The following DLX5 variants were observed in gnomAD, a reference collection of about 807,000 sequenced individuals.
DLX5 encodes homeobox protein DLX-5.
In DLX5, 8 loss-of-function variants were observed where a neutral mutation model predicts 27.1. The observed-to-expected ratio is 0.30, with a 90% CI of 0.17 to 0.53. The LOEUF is 0.53. Among genes scored for constraint, DLX5 ranks in the 20% least tolerant of loss-of-function variants. DLX5 has a pLI of 0.95. For synonymous variants in DLX5, 178 were observed against 161.9 expected (o/e 1.10, Z -0.75); for missense variants, 339 against 375.1 (o/e 0.90, Z 0.80).
chr7:97,020,811 G>A lies in DLX5; in HGVS notation c.795C>T (p.Ser265=). The A allele has an allele frequency of 1.2e-6, 2 of 1,613,338 alleles. No individual in the cohort carries two copies. Among genetic ancestry groups the A allele is most frequent in the African/African-American group, 1.3e-5 (1 of 75,014 alleles). The change falls in exon 3 of 3, where the codon AGC becomes AGT. Residue 265 remains serine, a synonymous_variant. Transcript: ENST00000648378. ...GCGGCGGCAGGTGGGAATTGATTGAGCTGGCTGCACTTGTGTACCAGGATG... is the reference window on the plus strand; with the variant it reads ...GCGGCGGCAGGTGGGAATTGATTGAACTGGCTGCACTTGTGTACCAGGATG... ...NSASWYTSAA[S]SINSHLPPPG... is the part of the protein sequence containing the mutation.
chr7:97,022,503 T>C (rs1790091608), intron 1 of DLX5, 134 bp from the exon 2 acceptor site: 1 of 1,492,488 alleles, frequency 6.7e-7, no homozygotes, highest in Admixed American at 2.3e-5. Flanking sequence ...CCACCTTTGC[T>C]TTTCAGGACC....
chr7:97,022,207 G>A lies in DLX5; in HGVS notation c.518C>T (p.Ser173Leu), dbSNP rs779599860. ...TACCTGTGTTTGTGTCAATCCCAGCGAGGCGGCCAGCTCGGCGCGTTCCGG... is the reference window on the plus strand; with the variant it reads ...TACCTGTGTTTGTGTCAATCCCAGCAAGGCGGCCAGCTCGGCGCGTTCCGG... Reference protein sequence around the residue: ...ALPERAELAASLGLTQTQVKI... With the variant: ...ALPERAELAALLGLTQTQVKI... Residue 173 changes from serine (S) to leucine (L), a missense_variant, in exon 2 of 3, where the codon TCG becomes TTG. By Grantham distance (145) the Ser-to-Leu change is moderately radical (BLOSUM62 -2). This residue lies in a region of DLX5 where 15 missense variants were observed against 38.7 expected (regional missense o/e 0.39). Transcript: ENST00000648378. 10 of 1,614,180 alleles carry A rather than the reference G, an allele frequency of 6.2e-6. No homozygotes were observed. Among genetic ancestry groups the A allele is most frequent in the Non-Finnish European group, 7.6e-6 (9 of 1,180,050 alleles).
rs1362974961 is a variant in DLX5 at position 97,024,074 on chromosome 7, A to G, written c.355+195T>C. On this transcript the variant is annotated intron_variant, in intron 1 of 2. Coordinates refer to ENST00000648378, the MANE Select transcript of DLX5 (RefSeq NM_005221.6). The surrounding 1 kb of genome is among the most constrained non-coding windows in gnomAD (Gnocchi z 4.6). ...GAGAGACGCTAGTTCGAACCTCCAC[A>G]GGGCTCTCCTACTAAAAATCCCTAA... Among the ~76,000 whole-genome samples, 1 of 152,174 alleles carries G rather than the reference A, an allele frequency of 6.6e-6. No homozygotes were observed. Among genetic ancestry groups the G allele is most frequent in the Non-Finnish European group, 1.5e-5 (1 of 68,030 alleles).
At chr7:97,023,765 C>G (rs1034318839) in intron 1 of DLX5, among the ~76,000 whole-genome samples, 1 of 151,116 alleles carries the variant, frequency 6.6e-6, no homozygotes, top group Non-Finnish European at 1.5e-5. Context: ...ACTCCTTAAC[C>G]CCCCCACCCC....
At position 97,022,335 on chromosome 7, in the gene DLX5, C is replaced by A; in HGVS notation, c.390G>T (p.Val130=). The A allele has an allele frequency of 1.2e-6, 2 of 1,614,212 alleles. No individual in the cohort carries two copies. The highest frequency in any genetic ancestry group is 1.7e-6 in the Non-Finnish European group (2 of 1,180,044). The change falls in exon 2 of 3, where the codon GTG becomes GTT. Residue 130 remains valine (V), a synonymous_variant. Transcript: ENST00000648378. ...KEVTEPEVRM[V]NGKPKKVRKP... ...TACGAACTTTCTTTGGTTTGCCATT[C>A]ACCATTCTCACCTCGGGCTCGGTCA...
rs535927739 is a variant in DLX5 at position 97,024,304 on chromosome 7, G to A, written c.320C>T (p.Ala107Val). The change falls in exon 1 of 3, where the codon GCC (alanine) becomes GTC (valine). Residue 107 changes from alanine to valine, a missense_variant. Ala to Val is a moderately conservative substitution (Grantham distance 64). Around this residue, in one of 3 missense-constraint regions of DLX5, gnomAD observed 188 missense variants for 206.1 expected, o/e 0.91. Transcript: ENST00000648378. This position sits in a 1 kb window ranked among gnomAD's most constrained non-coding sequence, Gnocchi z 4.6. ...YASSYHQYGG[A>V]YNRVPSATNQ... is the part of the protein sequence containing the mutation. ...GGTGGCGCTTGGGACGCGGTTGTAG[G>A]CGCCGCCGTACTGGTGGTAGGAGCT... 2 of 1,613,994 alleles carry A rather than the reference G, an allele frequency of 1.2e-6. No homozygotes were observed. The highest frequency in any genetic ancestry group is 1.7e-5 in the Admixed American group (1 of 60,010).
intron 2 of DLX5, chr7:97,021,857 T>C (rs954711320): frequency 1.2e-5 from 7 of 572,258 alleles, no homozygotes; most frequent in Non-Finnish European, 2.2e-5. Context: ...GAAAACCAGA[T>C]AGCTGCTCTG....
At chr7:97,022,668 T>A (rs1303607723) in intron 1 of DLX5, 1 of 924,896 alleles carries the variant, frequency 1.1e-6, no homozygotes, top group Non-Finnish European at 1.3e-6. Flanking sequence ...TTGCTTCTTC[T>A]CCCGGACTTG....
intron 2 of DLX5, among the ~76,000 whole-genome samples, chr7:97,021,434 C>A (rs1424135895): frequency 6.6e-6 from 1 of 152,126 alleles, no homozygotes. Flanking sequence ...GTCTCCAAAA[C>A]AATCGCGCGA....
chr7:97,021,949 C>T, intron 2 of DLX5: 1 of 612,746 alleles, frequency 1.6e-6, no homozygotes, highest in South Asian at 2.0e-5. Context: ...AGGCCCGCTA[C>T]GGGGTGGGGG....
Position 97,024,178 on chromosome 7 carries a change from A to C in DLX5, c.355+91T>G. 11 of 1,276,820 alleles carry C rather than the reference A, an allele frequency of 8.6e-6. No individual in the cohort carries two copies. Among genetic ancestry groups the C allele is most frequent in the Non-Finnish European group, 1.1e-5 (10 of 931,536 alleles). 79.1% of individuals were successfully genotyped at this position (1,276,820 alleles called of 1,614,324 possible). On this transcript the variant is annotated intron_variant, in intron 1 of 2. Transcript: ENST00000648378. This position sits in a 1 kb window ranked among gnomAD's most constrained non-coding sequence, Gnocchi z 4.6. Reference sequence around the variant, plus strand: ...TGCCGCGTGCGCCCCCACTGCCGTGAACCGCTGTGACCCCCAATCTACCAC... The same window carrying C: ...TGCCGCGTGCGCCCCCACTGCCGTGCACCGCTGTGACCCCCAATCTACCAC...
At position 97,020,776 on chromosome 7, in the gene DLX5, A is replaced by G. The variant is rs887777137; in HGVS notation, c.830T>C (p.Leu277Ser). Reference protein sequence around the residue: ...INSHLPPPGSLQHPLALASGT... With the variant: ...INSHLPPPGSSQHPLALASGT... ...GGAGGCCAGCGCCAGCGGGTGCTGT[A>G]AGGAGCCCGGCGGCGGCAGGTGGGA... is the stretch of plus-strand genomic sequence containing the variant. The change falls in exon 3 of 3, where the codon TTA (leucine) becomes TCA (serine). Residue 277 changes from leucine (L) to serine (S), a missense_variant. This residue lies in a region of DLX5 where 136 missense variants were observed against 130.3 expected (regional missense o/e 1.04). Coordinates refer to ENST00000648378, the MANE Select transcript of DLX5 (RefSeq NM_005221.6). 3.7e-6 allele frequency: 6 copies of G among 1,609,320 alleles called. No individual in the cohort carries two copies. The highest frequency in any genetic ancestry group is 5.1e-6 in the Non-Finnish European group (6 of 1,176,568).
chr7:97,022,822 G>A (rs905203394), intron 1 of DLX5, among the ~76,000 whole-genome samples: 5 of 152,126 alleles, frequency 3.3e-5, no homozygotes, highest in Non-Finnish European at 7.4e-5. Flanking sequence ...GCAGAAGCCA[G>A]ACTCTTGGGC....
In DLX5 at chr7:97,020,896, G is replaced by C; in HGVS notation, c.710C>G (p.Pro237Arg). The stretch of plus-strand genomic sequence containing the variant: ...GTTGGAGGTCGGAGGGTGGGCATGA[G>C]GGTGGTGGCTGAGCGAGCGGGACGA... ...QGSSRSLSHH[P>R]HAHPPTSNQS... The change falls in exon 3 of 3, where the codon CCT (proline) becomes CGT (arginine). Residue 237 changes from proline (P) to arginine (R), a missense_variant. Coordinates refer to ENST00000648378, the MANE Select transcript of DLX5 (RefSeq NM_005221.6). 4 of 1,614,178 alleles carry C rather than the reference G, an allele frequency of 2.5e-6. No homozygotes were observed. The highest frequency in any genetic ancestry group is 1.7e-4 in the Middle Eastern group (1 of 6,030).
rs1477029677 is a variant in DLX5, at chr7:97,020,655, A to G, written c.*81T>C. ...CTTTTTCAGTTTTCCGAACTTCCCC[A>G]TATGAATTCCTTTCTTTATGATTTT... is the stretch of plus-strand genomic sequence containing the variant. On this transcript the variant is annotated 3_prime_UTR_variant, in exon 3 of 3. Coordinates refer to ENST00000648378, the MANE Select transcript of DLX5 (RefSeq NM_005221.6). The G allele has an allele frequency of 1.5e-6, 2 of 1,355,144 alleles. No individual in the cohort carries two copies. The highest frequency in any genetic ancestry group is 2.9e-5 in the African/African-American group (2 of 68,972). 83.9% of individuals were successfully genotyped at this position (1,355,144 alleles called of 1,614,324 possible). A position where few individuals can be genotyped will look rare whatever the true frequency, so the allele number is the denominator to read the frequency against.
intron 1 of DLX5, chr7:97,022,578 G>A: frequency 1.0e-6 from 1 of 985,452 alleles, no homozygotes; most frequent in African/African-American, 1.7e-5. Flanking sequence ...TTCCTACTCT[G>A]TTCATTCAGA....
Position 97,024,377 on chromosome 7 carries a change from A to G in DLX5, c.247T>C (p.Ser83Pro). The G allele has an allele frequency of 6.2e-7, 1 of 1,614,214 alleles. No homozygotes were observed. Among genetic ancestry groups the G allele is most frequent in the South Asian group, 1.1e-5 (1 of 91,090 alleles). The change falls in exon 1 of 3, where the codon TCC (serine) becomes CCC (proline). Residue 83 changes from serine (S) to proline (P), a missense_variant. This residue lies in a region of DLX5 where 188 missense variants were observed against 206.1 expected (regional missense o/e 0.91). Coordinates refer to ENST00000648378, the MANE Select transcript of DLX5 (RefSeq NM_005221.6). This position sits in a 1 kb window ranked among gnomAD's most constrained non-coding sequence, Gnocchi z 4.6. ...YQYQYHGVNG[S>P]AGSYPAKAYA... ...GCTTTGGCTGGGTAGCTCCCGGCGG[A>G]GCCGTTCACGCCGTGATACTGATAC...
intron 2 of DLX5, 104 bp downstream of exon 2, chr7:97,022,081 C>T: frequency 7.2e-7 from 1 of 1,396,918 alleles, no homozygotes; most frequent in Non-Finnish European, 1.0e-6. Context: ...GTTAGTTTCT[C>T]ACGGGTACTG....
At chr7:97,021,957 G>A (rs938400217) in intron 2 of DLX5, 5 of 616,982 alleles carry the variant, frequency 8.1e-6, no homozygotes, top group African/African-American at 5.5e-5. Context: ...TACGGGGTGG[G>A]GGCGGGGGGC....
Sources: gnomAD v4.1 joint callset for allele counts (sites outside exome capture counted in the v4.1 genomes callset) on GRCh38, gnomAD v4.1.1 for gene constraint, gnomAD v4.1.1 regional missense constraint, Gnocchi (gnomAD v3.1) non-coding constraint, MANE v1.5 for transcripts, NCBI Gene and HGNC (gene_info 2026-07-23, HGNC 2026-07-21) for gene names.